ZNF385D: variants seen among roughly 807,000 people sequenced by gnomAD.
ZNF385D encodes the protein zinc finger protein 385D, also known as zinc finger protein 659.
A neutral mutation model predicts 35.8 loss-of-function variants in ZNF385D; 15 were observed. The observed-to-expected ratio is 0.42, with a 90% CI of 0.28 to 0.64. ZNF385D has a LOEUF of 0.64. Among genes scored for constraint, ZNF385D ranks in the 30% least tolerant of loss-of-function variants. The pLI, the probability that ZNF385D is intolerant of heterozygous loss-of-function variation, is 0.23. For synonymous variants in ZNF385D, 212 were observed against 186.8 expected (o/e 1.13, Z -1.10); for missense variants, 474 against 494.6 (o/e 0.96, Z 0.39).
rs149531911 is a variant in ZNF385D at position 22,344,895 on chromosome 3, G to A, written c.106+27555C>T. Among the ~76,000 whole-genome samples the A allele has an allele frequency of 9.7e-3, 1,483 of 152,268 alleles. 11 individuals carry two copies. The highest frequency in any genetic ancestry group is 0.017 in the Middle Eastern group (5 of 294). ...TTTAAACTTCAATGTGCATGACAGT[G>A]ACCTGGGAAGATTTTGAAGAATGTA... is the stretch of plus-strand genomic sequence containing the variant. On this transcript the variant is annotated intron_variant, in intron 2 of 5. Coordinates refer to the ZNF385D transcript ENST00000494108.
intron 3 of ZNF385D, among the ~76,000 whole-genome samples, chr3:21,951,058 G>A (rs573030599): frequency 1.3e-5 from 2 of 151,670 alleles, no homozygotes; most frequent in African/African-American, 4.9e-5. Context: ...TAAACTTAAA[G>A]TAGTTTTTTT....
At chr3:21,561,541 CCTTCTGCGTTGAT>C (rs1192000991) in intron 3 of ZNF385D, among the ~76,000 whole-genome samples, 1 of 152,158 alleles carries the variant, frequency 6.6e-6, no homozygotes, top group Non-Finnish European at 1.5e-5. Context: ...AAATCACCTG[CCTTCTGCGTTGAT>C]CTCACTGGGA....
chr3:21,814,815 G>C (rs1254257853), intron 3 of ZNF385D, among the ~76,000 whole-genome samples: 6 of 152,158 alleles, frequency 3.9e-5, no homozygotes, highest in Admixed American at 3.3e-4. Flanking sequence ...ATTGAACTCA[G>C]CTCTGCACCA....
intron 1 of ZNF385D, among the ~76,000 whole-genome samples, chr3:21,681,699 A>AC (rs1483517537): frequency 6.4e-5 from 1 of 15,556 alleles, no homozygotes; most frequent in East Asian, 9.8e-4. Flanking sequence ...AAAAAAAACG[A>AC]AAAAAAAAAA....
chr3:21,725,840 C>G (rs553478429), intron 1 of ZNF385D, among the ~76,000 whole-genome samples: 1 of 152,242 alleles, frequency 6.6e-6, no homozygotes, highest in South Asian at 2.1e-4. Context: ...ATGAGGCCAG[C>G]ATCATCCTGA....
chr3:21,555,357 C>T (rs530270582), intron 3 of ZNF385D, among the ~76,000 whole-genome samples: 1 of 152,096 alleles, frequency 6.6e-6, no homozygotes, highest in African/African-American at 2.4e-5. Flanking sequence ...CTAATGCTAT[C>T]CCTCCCCTAG....
At chr3:21,688,082 C>G (rs2067165592) in intron 1 of ZNF385D, among the ~76,000 whole-genome samples, 1 of 151,846 alleles carries the variant, frequency 6.6e-6, no homozygotes, top group Non-Finnish European at 1.5e-5. Context: ...AACTTCAGTA[C>G]CATAACTCAC....
chr3:21,878,769 C>T (rs774211978), intron 3 of ZNF385D, among the ~76,000 whole-genome samples: 17 of 152,074 alleles, frequency 1.1e-4, no homozygotes, highest in Non-Finnish European at 2.4e-4. Context: ...AATATTTTAG[C>T]TGTAACACGA....
chr3:21,600,170 G>GAAAT (rs1182513216), intron 2 of ZNF385D, among the ~76,000 whole-genome samples: 1 of 152,148 alleles, frequency 6.6e-6, no homozygotes, highest in Admixed American at 6.5e-5. Flanking sequence ...GCATAATAAA[G>GAAAT]AAATAACCAT....
intron 2 of ZNF385D, among the ~76,000 whole-genome samples, chr3:21,644,424 C>T (rs1258324765): frequency 1.3e-5 from 2 of 152,118 alleles, no homozygotes; most frequent in African/African-American, 2.4e-5. Context: ...CACACAGTCA[C>T]ACTCACTCAC....
At chr3:22,114,740 G>A (rs1268677953) in intron 3 of ZNF385D, among the ~76,000 whole-genome samples, 2 of 152,034 alleles carry the variant, frequency 1.3e-5, no homozygotes, top group Non-Finnish European at 2.9e-5. Flanking sequence ...GCTAAAGTGT[G>A]AATGTTTGTG....
chr3:21,847,192 T>C (rs544545622), intron 3 of ZNF385D, among the ~76,000 whole-genome samples: 1 of 151,784 alleles, frequency 6.6e-6, no homozygotes, highest in Admixed American at 6.6e-5. Flanking sequence ...AGTCATATAT[T>C]TTATGAGTCA....
chr3:21,567,110 G>GTAT (rs1553614166), intron 2 of ZNF385D, among the ~76,000 whole-genome samples: 1 of 151,880 alleles, frequency 6.6e-6, no homozygotes, highest in Non-Finnish European at 1.5e-5. Context: ...ATGAACACAT[G>GTAT]TATTTATCCA....
At chr3:21,676,178 A>T (rs920896148) in intron 1 of ZNF385D, among the ~76,000 whole-genome samples, 4 of 152,058 alleles carry the variant, frequency 2.6e-5, no homozygotes, top group African/African-American at 9.7e-5. Flanking sequence ...CATCTCTAGC[A>T]TTTGCAGTAC....
chr3:21,464,502 G>A (rs967348154), intron 4 of ZNF385D, among the ~76,000 whole-genome samples: 1 of 151,908 alleles, frequency 6.6e-6, no homozygotes, highest in South Asian at 2.1e-4. Context: ...GAGAACCTCA[G>A]ACACTCAAGT....
chr3:22,290,875 T>C (rs1199607253), intron 2 of ZNF385D, among the ~76,000 whole-genome samples: 5 of 152,172 alleles, frequency 3.3e-5, no homozygotes, highest in Non-Finnish European at 7.4e-5. Context: ...GGCTCTGTAG[T>C]ATCCATTTGC....
chr3:21,758,565 C>G (rs1225506945), intron 3 of ZNF385D, among the ~76,000 whole-genome samples: 3 of 152,132 alleles, frequency 2.0e-5, no homozygotes, highest in African/African-American at 7.2e-5. Context: ...AGCCAAAAAA[C>G]AGAACGTTCA....
chr3:22,125,477 G>T (rs1354438038), intron 3 of ZNF385D, among the ~76,000 whole-genome samples: 1 of 152,040 alleles, frequency 6.6e-6, no homozygotes, highest in African/African-American at 2.4e-5. Context: ...GACAAGGATT[G>T]CATTGAACTT....
At chr3:21,895,664 A>G (rs1699098974) in intron 3 of ZNF385D, among the ~76,000 whole-genome samples, 1 of 151,968 alleles carries the variant, frequency 6.6e-6, no homozygotes, top group Admixed American at 6.6e-5. Flanking sequence ...TTAAACATGA[A>G]AGATTTCCCT....
Sources: gnomAD v4.1 joint callset for allele counts (sites outside exome capture counted in the v4.1 genomes callset) on GRCh38, gnomAD v4.1.1 for gene constraint, MANE v1.5 for transcripts, NCBI Gene and HGNC (gene_info 2026-07-23, HGNC 2026-07-21) for gene names.